Variants in FRMD4A observed in about 807,000 individuals in gnomAD.
FRMD4A encodes FERM domain containing 4A.
FRMD4A carries 29 observed loss-of-function variants against 129.1 expected under a neutral mutation model. The observed-to-expected ratio is 0.22, with a 90% CI of 0.17 to 0.31. The LOEUF is 0.31. FRMD4A is among the 10% of genes least tolerant of loss of function. The pLI, the probability that FRMD4A is intolerant of heterozygous loss-of-function variation, is 1.00. For synonymous variants in FRMD4A, 634 were observed against 571.6 expected (o/e 1.11, Z -1.56); for missense variants, 1,272 against 1,375.8 (o/e 0.92, Z 1.19).
intron 2 of FRMD4A, among the ~76,000 whole-genome samples, chr10:14,247,900 A>G (rs1355768633): frequency 6.6e-6 from 1 of 152,218 alleles, no homozygotes; most frequent in East Asian, 1.9e-4. Context: ...CCTTCACACG[A>G]AACAGCATTT....
At chr10:13,748,265 A>C (rs10906466) in intron 8 of FRMD4A, among the ~76,000 whole-genome samples, 1 of 152,060 alleles carries the variant, frequency 6.6e-6, no homozygotes, top group African/African-American at 2.4e-5. Flanking sequence ...CCCTAAGAGC[A>C]TTTGCGCTGC....
At chr10:13,994,488 A>G (rs2095615583) in intron 2 of FRMD4A, among the ~76,000 whole-genome samples, 1 of 151,846 alleles carries the variant, frequency 6.6e-6, no homozygotes. Flanking sequence ...ATGCCCAGCT[A>G]AGTTTTGTAC....
At chr10:13,794,117 G>A (rs2093062205) in intron 5 of FRMD4A, among the ~76,000 whole-genome samples, 1 of 152,206 alleles carries the variant, frequency 6.6e-6, no homozygotes, top group African/African-American at 2.4e-5. Flanking sequence ...GGAAGCAGCA[G>A]CAGAGAATTA....
chr10:13,797,860 A>T (rs2093155748), intron 4 of FRMD4A, among the ~76,000 whole-genome samples: 1 of 151,876 alleles, frequency 6.6e-6, no homozygotes, highest in Non-Finnish European at 1.5e-5. Flanking sequence ...GAGAGAAAAC[A>T]CACAAGTGAC....
At chr10:14,288,510 G>A (rs1046566453) in intron 2 of FRMD4A, among the ~76,000 whole-genome samples, 2 of 152,146 alleles carry the variant, frequency 1.3e-5, no homozygotes, top group Non-Finnish European at 2.9e-5. Context: ...ATTATGGAAT[G>A]GAAGAAGAGC....
intron 8 of FRMD4A, 61 bp from the exon 9 acceptor site, chr10:13,747,880 T>C (rs929028169): frequency 3.3e-6 from 3 of 920,672 alleles, no homozygotes; most frequent in East Asian, 2.4e-5. Context: ...CACTCTCTGA[T>C]ACCACTTGGG....
intron 2 of FRMD4A, among the ~76,000 whole-genome samples, chr10:14,297,450 G>A (rs543458582): frequency 1.3e-5 from 2 of 152,146 alleles, no homozygotes; most frequent in African/African-American, 4.8e-5. Context: ...GGCAGAGAGG[G>A]AACTCTGGAA....
intron 3 of FRMD4A, among the ~76,000 whole-genome samples, chr10:13,836,755 C>CTTTTTT (rs35995042): frequency 2.7e-5 from 3 of 110,050 alleles, no homozygotes; most frequent in African/African-American, 3.7e-5. Context: ...CTCAGTGGTT[C>CTTTTTT]TTTTTTTTTT....
chr10:13,750,120 G>T (rs1241789316), intron 8 of FRMD4A, among the ~76,000 whole-genome samples: 55 of 133,892 alleles, frequency 4.1e-4, no homozygotes, highest in South Asian at 7.3e-4. Context: ...AAGAAAGAAA[G>T]AAAGAAAGAA....
chr10:13,941,319 T>A (rs1264571243), intron 2 of FRMD4A, among the ~76,000 whole-genome samples: 1 of 152,182 alleles, frequency 6.6e-6, no homozygotes, highest in Non-Finnish European at 1.5e-5. Flanking sequence ...ATATAAGACA[T>A]GCCTTCTGCC....
chr10:13,982,124 C>A (rs1025099683), intron 2 of FRMD4A, among the ~76,000 whole-genome samples: 1 of 152,054 alleles, frequency 6.6e-6, no homozygotes, highest in Non-Finnish European at 1.5e-5. Flanking sequence ...CCAAAGCCAG[C>A]CATAAAACCT....
At chr10:13,685,763 G>T (rs2085015601) in intron 15 of FRMD4A, 3 of 259,500 alleles carry the variant, frequency 1.2e-5, no homozygotes, top group Non-Finnish European at 1.8e-5. Context: ...AGCTAGCATT[G>T]CACCACTGCA....
chr10:13,810,077 CAGAGAG>C (rs36074024), intron 4 of FRMD4A, among the ~76,000 whole-genome samples: 2 of 149,960 alleles, frequency 1.3e-5, no homozygotes, highest in East Asian at 1.9e-4. Context: ...ATCTGGAAGA[CAGAGAG>C]AGAGAGAGAG....
intron 8 of FRMD4A, among the ~76,000 whole-genome samples, chr10:13,749,715 G>A (rs763298239): frequency 5.3e-5 from 8 of 152,216 alleles, no homozygotes; most frequent in African/African-American, 1.4e-4. Flanking sequence ...GAGGCCAGGC[G>A]TGGTGGCTCA....
At chr10:14,000,667 A>AAAAAAGAG (rs200369296) in intron 2 of FRMD4A, among the ~76,000 whole-genome samples, 6 of 106,828 alleles carry the variant, frequency 5.6e-5, no homozygotes, top group East Asian at 3.1e-4. Flanking sequence ...AAAAAAAAAA[A>AAAAAAGAG]AGAGAAGAAA....
At chr10:14,298,956 T>G (rs1338330720) in intron 2 of FRMD4A, among the ~76,000 whole-genome samples, 1 of 152,144 alleles carries the variant, frequency 6.6e-6, no homozygotes, top group African/African-American at 2.4e-5. Context: ...AATTTTATGG[T>G]GGAGTTACCT....
At chr10:14,324,548 A>T (rs1843188522) in intron 2 of FRMD4A, among the ~76,000 whole-genome samples, 1 of 152,238 alleles carries the variant, frequency 6.6e-6, no homozygotes, top group Admixed American at 6.5e-5. Context: ...TCACTGTATT[A>T]CTATGTAATT....
At chr10:13,856,017 T>C (rs1457337455) in intron 3 of FRMD4A, among the ~76,000 whole-genome samples, 8 of 22,750 alleles carry the variant, frequency 3.5e-4, no homozygotes, top group African/African-American at 7.0e-4. Flanking sequence ...ACAAATACTA[T>C]CTATCTATCT....
intron 2 of FRMD4A, among the ~76,000 whole-genome samples, chr10:14,168,996 C>T (rs919796638): frequency 3.7e-4 from 57 of 152,114 alleles, no homozygotes; most frequent in African/African-American, 1.3e-3. Flanking sequence ...AAGTTTTTTC[C>T]TGTTTGCACC....
Sources: allele counts gnomAD v4.1 joint callset (sites outside exome capture counted in the v4.1 genomes callset), GRCh38; gene constraint gnomAD v4.1.1; transcripts MANE v1.5; gene names NCBI Gene and HGNC (gene_info 2026-07-23, HGNC 2026-07-21).